Variants in STX11 observed in about 807,000 individuals in gnomAD.
STX11 encodes syntaxin 11.
A neutral mutation model predicts 19.9 loss-of-function variants in STX11; 21 were observed. The observed-to-expected ratio is 1.06, with a 90% CI of 0.75 to 1.52. STX11 has a LOEUF of 1.52. Ranked by LOEUF, STX11 falls within the 40% of genes most tolerant of loss-of-function variation. The pLI, the probability that STX11 is intolerant of heterozygous loss-of-function variation, is 0.00. For synonymous variants in STX11, 193 were observed against 174.4 expected (o/e 1.11, Z -0.84); for missense variants, 438 against 405.9 (o/e 1.08, Z -0.68).
intron 1 of STX11, among the ~76,000 whole-genome samples, chr6:144,185,542 G>GA (rs1224797296): frequency 6.6e-6 from 1 of 152,128 alleles, no homozygotes; most frequent in Non-Finnish European, 1.5e-5. Flanking sequence ...ACTAAGCAGA[G>GA]GAATTACCAG....
chr6:144,179,020 T>G (rs1284095552), intron 1 of STX11, among the ~76,000 whole-genome samples: 2 of 151,996 alleles, frequency 1.3e-5, no homozygotes, highest in South Asian at 2.1e-4. Flanking sequence ...AAGAAAGAGG[T>G]TTAATGGACT....
Position 144,159,516 on chromosome 6 carries a change from C to CTG in STX11, c.-6+8833_-6+8834dup, listed in dbSNP as rs10532315. On this transcript the variant is annotated intron_variant, in intron 1 of 1. Coordinates refer to ENST00000367568, the MANE Select transcript of STX11 (RefSeq NM_003764.4). The surrounding 1 kb of genome is among the most constrained non-coding windows in gnomAD (Gnocchi z 4.3). ...TGGTTGAGCTAGTTCAAAATTGACTCTGTGTGTGTGTGTGTGTGTGTCCGT... is the reference window on the plus strand; with the variant it reads ...TGGTTGAGCTAGTTCAAAATTGACTCTGTGTGTGTGTGTGTGTGTGTGTCCGT... 2.1e-4 allele frequency among the ~76,000 whole-genome samples: 31 copies of CTG among 150,928 alleles called. No homozygotes were observed. Among genetic ancestry groups the CTG allele is most frequent in the Non-Finnish European group, 3.4e-4 (23 of 67,622 alleles).
At position 144,159,772 on chromosome 6, in the gene STX11, GA is replaced by G. The variant is rs755533450; in HGVS notation, c.-6+9070del. ...TTTTAAAAATTAATCTCAAGGATCT[GA>G]TTACTACGGCCTAGGAGGGTGCTTG... On this transcript the variant is annotated intron_variant, in intron 1 of 1. Transcript: ENST00000367568. This position sits in a 1 kb window ranked among gnomAD's most constrained non-coding sequence, Gnocchi z 4.3. Among the ~76,000 whole-genome samples, 1 of 152,194 alleles carries G rather than the reference GA, an allele frequency of 6.6e-6. No homozygotes were observed. Among genetic ancestry groups the G allele is most frequent in the Non-Finnish European group, 1.5e-5 (1 of 68,028 alleles).
intron 1 of STX11, among the ~76,000 whole-genome samples, chr6:144,158,006 AAG>A (rs912132008): frequency 6.6e-6 from 1 of 152,110 alleles, no homozygotes; most frequent in African/African-American, 2.4e-5. Flanking sequence ...AAAAAAAGAA[AAG>A]AGAAATAAAA....
At chr6:144,141,726 T>C in the STX11 span, among the ~76,000 whole-genome samples, 2 of 152,180 alleles carry the variant, frequency 1.3e-5, no homozygotes, top group South Asian at 2.1e-4. Flanking sequence ...TTGTCCAGGC[T>C]GGAGTGCACT....
rs1243887415 is a variant in STX11, at chr6:144,186,977, A to G, written c.350A>G (p.Gln117Arg). Residue 117 changes from glutamine (Q) to arginine (R), a missense_variant, in exon 2 of 2, where the codon CAG (glutamine) becomes CGG (arginine). By Grantham distance (43) the Gln-to-Arg change is conservative. Coordinates refer to ENST00000367568, the MANE Select transcript of STX11 (RefSeq NM_003764.4). ...MKELSEAAEA[Q>R]HGPHSAVARI... is the part of the protein sequence containing the mutation. Reference sequence around the variant, plus strand: ...GAGCTGAGCGAGGCGGCTGAGGCCCAGCACGGCCCGCACTCGGCAGTGGCG... The same window carrying G: ...GAGCTGAGCGAGGCGGCTGAGGCCCGGCACGGCCCGCACTCGGCAGTGGCG... The G allele has an allele frequency of 3.1e-6, 5 of 1,609,128 alleles. No individual in the cohort carries two copies. The highest frequency in any genetic ancestry group is 4.2e-6 in the Non-Finnish European group (5 of 1,179,640).
rs534521913 is a variant in STX11, at chr6:144,159,379, T to C, written c.-6+8676T>C. 2.3e-3 allele frequency among the ~76,000 whole-genome samples: 353 copies of C among 152,322 alleles called. 1 individual carries two copies. Among genetic ancestry groups the C allele is most frequent in the Non-Finnish European group, 4.0e-3 (269 of 68,030 alleles). Reference sequence around the variant, plus strand: ...TTATAGAGCTGGAAACCCAGCCTAGTCTAAGGTCAGAGGAAGTGTCTCATT... The same window carrying C: ...TTATAGAGCTGGAAACCCAGCCTAGCCTAAGGTCAGAGGAAGTGTCTCATT... On this transcript the variant is annotated intron_variant, in intron 1 of 1. Coordinates refer to ENST00000367568, the MANE Select transcript of STX11 (RefSeq NM_003764.4). This position sits in a 1 kb window ranked among gnomAD's most constrained non-coding sequence, Gnocchi z 4.3.
rs1264984533 is a variant in STX11 at position 144,187,967 on chromosome 6, C to G, written c.*476C>G. The G allele has an allele frequency of 3.5e-6, 1 of 284,384 alleles. No individual in the cohort carries two copies. Among genetic ancestry groups the G allele is most frequent in the African/African-American group, 2.2e-5 (1 of 46,052 alleles). The allele number at this position is 284,384 out of a possible 1,614,324, so 17.6% of individuals were successfully genotyped here. A position where few individuals can be genotyped will look rare whatever the true frequency, so the allele number is the denominator to read the frequency against. ...GCGAAATTGGCCTTGGGAAAAACCA[C>G]GTTCTTCCTTTCCGATTCTTCATCC... On this transcript the variant is annotated 3_prime_UTR_variant, in exon 2 of 2. Transcript: ENST00000367568. The surrounding 1 kb of genome is among the most constrained non-coding windows in gnomAD (Gnocchi z 5.6).
chr6:144,140,951 CA>C, the STX11 span: 1 of 280,098 alleles, frequency 3.6e-6, no homozygotes, highest in Admixed American at 6.5e-5. Flanking sequence ...CATTCAAAAC[CA>C]GTATTTCAAG....
chr6:144,157,805 G>A (rs957510427), intron 1 of STX11, among the ~76,000 whole-genome samples: 2 of 152,170 alleles, frequency 1.3e-5, no homozygotes, highest in Non-Finnish European at 2.9e-5. Context: ...AGTCCTTGCT[G>A]TAATGCTAGG....
In STX11 at chr6:144,167,820, A is replaced by T. The variant is rs1801523354; in HGVS notation, c.-6+17117A>T. Among the ~76,000 whole-genome samples the T allele has an allele frequency of 6.6e-6, 1 of 152,072 alleles. No homozygotes were observed. The highest frequency in any genetic ancestry group is 2.1e-4 in the South Asian group (1 of 4,832). On this transcript the variant is annotated intron_variant, in intron 1 of 1. Transcript: ENST00000367568. The surrounding 1 kb of genome is among the most constrained non-coding windows in gnomAD (Gnocchi z 5.0). ...TTTGTTGTAGAGGTGGGGTTTCACC[A>T]TGTTATCCATGGCTGGTCTTGAACT...
At position 144,180,676 on chromosome 6, in the gene STX11, A is replaced by G. The variant is rs1478593906; in HGVS notation, c.-5-5947A>G. 6.6e-6 allele frequency among the ~76,000 whole-genome samples: 1 copy of G among 152,154 alleles called. No homozygotes were observed. The highest frequency in any genetic ancestry group is 2.4e-5 in the African/African-American group (1 of 41,434). ...ACCTCTTTTCTTCCCAGTCTTGGGT[A>G]TGTCTTTATCAGCAGTGTGAAAATG... On this transcript the variant is annotated intron_variant, in intron 1 of 1. Transcript: ENST00000367568. This position sits in a 1 kb window ranked among gnomAD's most constrained non-coding sequence, Gnocchi z 5.3.
Position 144,184,618 on chromosome 6 carries a change from G to A in STX11, c.-5-2005G>A, listed in dbSNP as rs114677766. 2.7e-3 allele frequency among the ~76,000 whole-genome samples: 406 copies of A among 152,150 alleles called. 3 individuals carry two copies. Among genetic ancestry groups the A allele is most frequent in the African/African-American group, 9.3e-3 (387 of 41,522 alleles). The stretch of plus-strand genomic sequence containing the variant: ...ATTGGTTAAGTGGTGCTATTCTAAC[G>A]CCTGAGTGTTCACTTACTGATGACC... On this transcript the variant is annotated intron_variant, in intron 1 of 1. Transcript: ENST00000367568. This position sits in a 1 kb window ranked among gnomAD's most constrained non-coding sequence, Gnocchi z 6.5.
At position 144,183,560 on chromosome 6, in the gene STX11, G is replaced by A. The variant is rs1386956462; in HGVS notation, c.-5-3063G>A. On this transcript the variant is annotated intron_variant, in intron 1 of 1. Transcript: ENST00000367568. The surrounding 1 kb of genome is among the most constrained non-coding windows in gnomAD (Gnocchi z 4.6). ...TACCAATTTTTTAAAATAATGAATA[G>A]ACTTTGTTTGCAAAATCATTAAGTT... Among the ~76,000 whole-genome samples, 2 of 151,974 alleles carry A rather than the reference G, an allele frequency of 1.3e-5. No individual in the cohort carries two copies. Among genetic ancestry groups the A allele is most frequent in the African/African-American group, 4.8e-5 (2 of 41,348 alleles).
intron 1 of STX11, among the ~76,000 whole-genome samples, chr6:144,173,508 C>G (rs1801698101): frequency 6.6e-6 from 1 of 152,150 alleles, no homozygotes; most frequent in South Asian, 2.1e-4. Flanking sequence ...TTTTTATTTT[C>G]CTATCTTGTG....
upstream of STX11, among the ~76,000 whole-genome samples, chr6:144,147,884 C>T (rs185829059): frequency 6.6e-6 from 1 of 152,236 alleles, no homozygotes; most frequent in African/African-American, 2.4e-5. This position sits in a 1 kb window ranked among gnomAD's most constrained non-coding sequence, Gnocchi z 4.2. Context: ...GCAGCTTGGG[C>T]AACAGAGTGA....
At position 144,165,379 on chromosome 6, in the gene STX11, C is replaced by A. The variant is rs1350716070; in HGVS notation, c.-6+14676C>A. 6.6e-6 allele frequency among the ~76,000 whole-genome samples: 1 copy of A among 151,704 alleles called. No homozygotes were observed. The highest frequency in any genetic ancestry group is 1.5e-5 in the Non-Finnish European group (1 of 67,972). ...CTGAGGCAGGAGAATTGCTTGAACCCGGGAGGCGGAGGTTGCGGTGAGCAG... is the reference window on the plus strand; with the variant it reads ...CTGAGGCAGGAGAATTGCTTGAACCAGGGAGGCGGAGGTTGCGGTGAGCAG... On this transcript the variant is annotated intron_variant, in intron 1 of 1. Transcript: ENST00000367568. The surrounding 1 kb of genome is among the most constrained non-coding windows in gnomAD (Gnocchi z 5.8).
the STX11 span, among the ~76,000 whole-genome samples, chr6:144,140,300 G>A: frequency 2.1e-5 from 3 of 140,716 alleles, no homozygotes; most frequent in Non-Finnish European, 3.1e-5. Flanking sequence ...TGTCACCCAG[G>A]CTGGAGTGCA....
chr6:144,174,257 T>A lies in STX11; in HGVS notation c.-5-12366T>A, dbSNP rs1290348295. On this transcript the variant is annotated intron_variant, in intron 1 of 1. Transcript: ENST00000367568. This position sits in a 1 kb window ranked among gnomAD's most constrained non-coding sequence, Gnocchi z 5.3. ...TGCATCATATTTGCTAATGTCTCAA[T>A]GGTCAAAGCAAATCTCAGTCTCATA... Among the ~76,000 whole-genome samples, 1 of 152,212 alleles carries A rather than the reference T, an allele frequency of 6.6e-6. No individual in the cohort carries two copies. The highest frequency in any genetic ancestry group is 1.5e-5 in the Non-Finnish European group (1 of 68,036).
Sources: gnomAD v4.1 joint callset for allele counts (sites outside exome capture counted in the v4.1 genomes callset) on GRCh38, gnomAD v4.1.1 for gene constraint, Gnocchi (gnomAD v3.1) non-coding constraint, MANE v1.5 for transcripts, NCBI Gene and HGNC (gene_info 2026-07-23, HGNC 2026-07-21) for gene names.